Variants in TOM1L2 observed in about 807,000 individuals in gnomAD.
TOM1L2 encodes TOM1-like protein 2.
Under a neutral mutation model 67.9 loss-of-function variants are expected in TOM1L2, and 31 were observed. That is an observed-to-expected ratio of 0.46 (90% confidence interval 0.34 to 0.62). The LOEUF (loss-of-function observed/expected upper bound fraction) is 0.62. Among genes scored for constraint, TOM1L2 ranks in the 20% least tolerant of loss-of-function variants. The pLI is 0.01. For synonymous variants in TOM1L2, 256 were observed against 254.0 expected, an observed-to-expected ratio of 1.01 and a Z score of -0.07; for missense variants, 606 against 663.5, an observed-to-expected ratio of 0.91 and a Z score of 0.95.
Position 17,861,490 on chromosome 17 carries a change from G to C in TOM1L2, c.1264C>G (p.Gln422Glu). Residue 422 changes from glutamine to glutamate, a missense_variant, in exon 12 of 15, where the codon CAG (glutamine) becomes GAG (glutamate). This residue lies in a region of TOM1L2 where 543 missense variants were observed against 554.0 expected (regional missense o/e 0.98). Transcript: ENST00000379504. ...GLASALDNRK[Q>E]SSEGIPVAQP... The stretch of plus-strand genomic sequence containing the variant: ...TAAAGACCTACCCCTTCTGAACTCT[G>C]TTTTCGATTGTCTAGTGCAGAAGCA... The C allele has an allele frequency of 1.9e-6, 3 of 1,614,088 alleles. No homozygotes were observed. Among genetic ancestry groups the C allele is most frequent in the Non-Finnish European group, 2.5e-6 (3 of 1,180,000 alleles).
At chr17:17,949,092 AGT>A (rs1249512070) in intron 1 of TOM1L2, among the ~76,000 whole-genome samples, 1 of 152,146 alleles carries the variant, frequency 6.6e-6, no homozygotes, top group East Asian at 1.9e-4. Context: ...ACCTTAATTG[AGT>A]GTTCTCAGGG....
chr17:17,861,689 C>T, intron 11 of TOM1L2, 138 bp from the exon 12 acceptor site: 1 of 735,770 alleles, frequency 1.4e-6, no homozygotes, highest in Non-Finnish European at 2.3e-6. Context: ...GAAACCTTGA[C>T]ATTGAGCAGA....
chr17:17,942,736 T>C, intron 1 of TOM1L2, among the ~76,000 whole-genome samples: 1 of 152,206 alleles, frequency 6.6e-6, no homozygotes, highest in African/African-American at 2.4e-5. Context: ...CTTATTGTCA[T>C]TACAATGGTA....
At chr17:17,859,632 G>C (rs1157201784) in intron 12 of TOM1L2, 1 of 152,224 alleles carries the variant, frequency 6.6e-6, no homozygotes, top group Non-Finnish European at 1.5e-5. Context: ...TGTAATCCCG[G>C]CACTTTGGGA....
intron 12 of TOM1L2, 93 bp from the exon 13 acceptor site, chr17:17,851,045 C>A: frequency 6.8e-7 from 1 of 1,471,264 alleles, no homozygotes; most frequent in Non-Finnish European, 9.4e-7. Flanking sequence ...CAACAGCAAC[C>A]CCAAATAAAA....
chr17:17,920,276 T>C (rs989924947), intron 1 of TOM1L2, among the ~76,000 whole-genome samples: 3 of 151,972 alleles, frequency 2.0e-5, no homozygotes, highest in Admixed American at 6.6e-5. Context: ...TACTGAAAAG[T>C]TGCAAAGATA....
intron 12 of TOM1L2, among the ~76,000 whole-genome samples, chr17:17,853,513 A>T (rs920352177): frequency 2.4e-4 from 37 of 152,240 alleles, no homozygotes; most frequent in African/African-American, 8.7e-4. Flanking sequence ...ATGCTCAGAA[A>T]ATAAACAATG....
In TOM1L2 at chr17:17,866,282, T is replaced by C. The variant is rs1261938719; in HGVS notation, c.1084+14A>G. 3 of 1,609,788 alleles carry C rather than the reference T, an allele frequency of 1.9e-6. No individual in the cohort carries two copies. In the South Asian group the frequency reaches 3.3e-5, roughly 18 times the overall value. The stretch of plus-strand genomic sequence containing the variant: ...GGAAGTAGGTAGGCCCTTTTGTCCC[T>C]GTGAGACACTCACCTAAGCCTGCAA... On this transcript the variant is annotated intron_variant, in intron 10 of 14. Transcript: ENST00000379504.
At chr17:17,850,488 AG>A (rs1174348189) in intron 13 of TOM1L2, among the ~76,000 whole-genome samples, 2 of 151,866 alleles carry the variant, frequency 1.3e-5, no homozygotes, top group African/African-American at 4.8e-5. Context: ...TAAAAAAAAA[AG>A]AAATGAAAAC....
chr17:17,882,964 C>A, intron 5 of TOM1L2, 101 bp from the exon 6 acceptor site: 1 of 1,442,814 alleles, frequency 6.9e-7, no homozygotes, highest in Non-Finnish European at 9.5e-7. Flanking sequence ...AGGCTGCCCA[C>A]GAAAGGCTCA....
chr17:17,883,509 T>A (rs930439320), intron 5 of TOM1L2, among the ~76,000 whole-genome samples: 2 of 151,694 alleles, frequency 1.3e-5, no homozygotes, highest in African/African-American at 4.8e-5. Flanking sequence ...ACGAGGCGGG[T>A]GGATCACAAG....
intron 1 of TOM1L2, among the ~76,000 whole-genome samples, chr17:17,946,050 T>C (rs1013192321): frequency 6.6e-6 from 1 of 152,032 alleles, no homozygotes; most frequent in African/African-American, 2.4e-5. Context: ...ATTTTTCATA[T>C]TTTTTGGTAA....
intron 1 of TOM1L2, among the ~76,000 whole-genome samples, chr17:17,963,479 A>G (rs2041770289): frequency 1.3e-5 from 2 of 152,222 alleles, no homozygotes; most frequent in Non-Finnish European, 2.9e-5. Context: ...CGCCTACTTG[A>G]GCCAGGAAAC....
At chr17:17,969,240 A>G (rs925681638) in intron 1 of TOM1L2, among the ~76,000 whole-genome samples, 2 of 152,104 alleles carry the variant, frequency 1.3e-5, no homozygotes, top group Middle Eastern at 3.4e-3. Flanking sequence ...TATTACTAGT[A>G]GAGACAGGGT....
chr17:17,937,705 G>C (rs2040563566), intron 1 of TOM1L2, among the ~76,000 whole-genome samples: 1 of 152,190 alleles, frequency 6.6e-6, no homozygotes, highest in African/African-American at 2.4e-5. Context: ...TTTCCTGCAG[G>C]CTGTAGGAAT....
Position 17,845,024 on chromosome 17 carries a change from T to C in TOM1L2, c.*2611A>G, listed in dbSNP as rs2035570446. ...TTCCTGGACCAGGCAGCCTAAGGACTGTGCTCCCCAGATGGTGGGGTCTGG... is the reference window on the plus strand; with the variant it reads ...TTCCTGGACCAGGCAGCCTAAGGACCGTGCTCCCCAGATGGTGGGGTCTGG... On this transcript the variant is annotated 3_prime_UTR_variant, in exon 15 of 15. Transcript: ENST00000379504. The C allele has an allele frequency of 6.6e-6, 1 of 152,450 alleles. No individual in the cohort carries two copies. Among genetic ancestry groups the C allele is most frequent in the Non-Finnish European group, 1.5e-5 (1 of 68,052 alleles). The allele number at this position is 152,450 out of a possible 1,614,324, so 9.4% of individuals were successfully genotyped here. A position where few individuals can be genotyped will look rare whatever the true frequency, so the allele number is the denominator to read the frequency against.
At chr17:17,889,093 G>A (rs533095763) in intron 4 of TOM1L2, among the ~76,000 whole-genome samples, 4 of 152,286 alleles carry the variant, frequency 2.6e-5, no homozygotes, top group East Asian at 1.9e-4. Flanking sequence ...CGGGTAAGCC[G>A]ACTGAGCCCT....
chr17:17,972,153 G>A (rs2042131069), intron 1 of TOM1L2, 109 bp downstream of exon 1: 2 of 1,381,894 alleles, frequency 1.4e-6, no homozygotes, highest in East Asian at 2.6e-5. Context: ...GCTGGCGGAG[G>A]CCCAGCCCGC....
intron 1 of TOM1L2, among the ~76,000 whole-genome samples, chr17:17,924,806 A>T (rs993333864): frequency 6.6e-6 from 1 of 152,190 alleles, no homozygotes; most frequent in African/African-American, 2.4e-5. Flanking sequence ...AATATAAAAT[A>T]AAAAAGTGAT....
Sources: gnomAD v4.1 joint callset for allele counts (sites outside exome capture counted in the v4.1 genomes callset) on GRCh38, gnomAD v4.1.1 for gene constraint, gnomAD v4.1.1 regional missense constraint, MANE v1.5 for transcripts, NCBI Gene and HGNC (gene_info 2026-07-23, HGNC 2026-07-21) for gene names.